CTNNA3: variants seen among roughly 807,000 people sequenced by gnomAD.
CTNNA3 encodes the protein catenin alpha 3, also known as catenin alpha-3.
In CTNNA3, 76 loss-of-function variants were observed where a neutral mutation model predicts 95.7. The ratio of observed to expected loss-of-function variants is 0.79; its 90% CI spans 0.66 to 0.96. The LOEUF is 0.96. CTNNA3 is among the 40% of genes least tolerant of loss of function. The pLI is 0.00. For missense variants in CTNNA3, 1,191 were observed against 1,089.8 expected (o/e 1.09, Z -1.31); for synonymous variants, 431 against 374.4 (o/e 1.15, Z -1.74).
At chr10:67,369,236 TG>T (rs1457711735) in intron 5 of CTNNA3, among the ~76,000 whole-genome samples, 2 of 152,156 alleles carry the variant, frequency 1.3e-5, no homozygotes, top group Non-Finnish European at 2.9e-5. Context: ...CATAAACGAA[TG>T]CATTCTGTGA....
rs187490327 is a variant in CTNNA3, at chr10:66,821,949, G to A, written c.1048-46425C>T. Among the ~76,000 whole-genome samples, 363 of 152,036 alleles carry A rather than the reference G, an allele frequency of 2.4e-3. 2 individuals are homozygous for A. Among genetic ancestry groups the A allele is most frequent in the African/African-American group, 8.3e-3 (343 of 41,498 alleles). On this transcript the variant is annotated intron_variant, in intron 7 of 17. Transcript: ENST00000433211. ...ATAAATGAGCAGAGTATTTGTTTCT[G>A]TAATTTAAATTTTGTCCTGAATATT...
At chr10:66,137,677 G>C (rs1564688680) in intron 13 of CTNNA3, among the ~76,000 whole-genome samples, 1 of 152,112 alleles carries the variant, frequency 6.6e-6, no homozygotes, top group East Asian at 1.9e-4. Context: ...ACTGGGTTTG[G>C]TGCCTCATGC....
chr10:67,581,489 A>G (rs781377248), intron 3 of CTNNA3, among the ~76,000 whole-genome samples: 11 of 152,208 alleles, frequency 7.2e-5, no homozygotes, highest in Non-Finnish European at 1.5e-4. Flanking sequence ...CTTTGCATTG[A>G]TGTTCATCAG....
intron 13 of CTNNA3, among the ~76,000 whole-genome samples, chr10:66,139,030 T>G (rs1301979041): frequency 6.6e-6 from 1 of 152,206 alleles, no homozygotes; most frequent in Non-Finnish European, 1.5e-5. Context: ...CCAGGCTTTC[T>G]GGTCATGTTG....
intron 6 of CTNNA3, among the ~76,000 whole-genome samples, chr10:67,194,694 C>T (rs1485941902): frequency 6.6e-6 from 1 of 151,774 alleles, no homozygotes; most frequent in Non-Finnish European, 1.5e-5. Context: ...CAAGAGTGAA[C>T]TCTAATATAA....
chr10:67,103,511 C>T (rs770516150), intron 7 of CTNNA3, among the ~76,000 whole-genome samples: 6 of 151,720 alleles, frequency 4.0e-5, no homozygotes, highest in Non-Finnish European at 8.9e-5. Context: ...ATGTAGCAGG[C>T]ACTATGCCCT....
intron 9 of CTNNA3, among the ~76,000 whole-genome samples, chr10:66,682,715 G>T (rs539006112): frequency 6.6e-6 from 1 of 151,242 alleles, no homozygotes; most frequent in Non-Finnish European, 1.5e-5. Context: ...ACATGTACAG[G>T]TTTGTTATAT....
chr10:67,107,717 C>T (rs879810232), intron 7 of CTNNA3, among the ~76,000 whole-genome samples: 2,619 of 152,236 alleles, frequency 0.017, 80 homozygotes, highest in East Asian at 0.12. Flanking sequence ...TGATCAAAAT[C>T]ATTTAGGTGA....
At chr10:66,279,917 C>T (rs532160065) in intron 13 of CTNNA3, among the ~76,000 whole-genome samples, 1 of 151,974 alleles carries the variant, frequency 6.6e-6, no homozygotes, top group Non-Finnish European at 1.5e-5. Flanking sequence ...ACAAATTGTG[C>T]TCTCACGCCT....
chr10:67,073,530 C>A, intron 7 of CTNNA3, among the ~76,000 whole-genome samples: 1 of 150,858 alleles, frequency 6.6e-6, no homozygotes, highest in Admixed American at 6.6e-5. Flanking sequence ...AAACAAGTAT[C>A]AACAAAAATC....
chr10:66,124,731 A>G (rs1364357436), intron 13 of CTNNA3, among the ~76,000 whole-genome samples: 1 of 152,200 alleles, frequency 6.6e-6, no homozygotes, highest in African/African-American at 2.4e-5. Flanking sequence ...GGATGGAGGC[A>G]GGCAAAGAGA....
At chr10:67,135,561 G>A (rs1860258683) in intron 7 of CTNNA3, among the ~76,000 whole-genome samples, 1 of 152,120 alleles carries the variant, frequency 6.6e-6, no homozygotes, top group African/African-American at 2.4e-5. Context: ...TGTAGTCCCA[G>A]CTACTCAGGA....
intron 9 of CTNNA3, among the ~76,000 whole-genome samples, chr10:66,732,953 G>A (rs538689651): frequency 3.9e-4 from 59 of 151,918 alleles, no homozygotes; most frequent in Admixed American, 1.1e-3. Context: ...CAGCCACCGC[G>A]CCCAGCTGAT....
At chr10:67,636,397 T>C (rs1331550680) in intron 2 of CTNNA3, among the ~76,000 whole-genome samples, 1 of 152,122 alleles carries the variant, frequency 6.6e-6, no homozygotes, top group Admixed American at 6.6e-5. Context: ...GCTGGAGGCT[T>C]CACACTACCC....
intron 16 of CTNNA3, among the ~76,000 whole-genome samples, chr10:65,968,846 G>A (rs1006210750): frequency 2.6e-5 from 4 of 152,132 alleles, no homozygotes; most frequent in Non-Finnish European, 5.9e-5. Context: ...ACACCTCTTG[G>A]TGTTTGGTAC....
chr10:67,204,912 C>A (rs958651121), intron 6 of CTNNA3, among the ~76,000 whole-genome samples: 5 of 152,068 alleles, frequency 3.3e-5, no homozygotes, highest in Non-Finnish European at 5.9e-5. Context: ...AATGTAAAAA[C>A]CTGAAAAGAT....
intron 2 of CTNNA3, among the ~76,000 whole-genome samples, chr10:67,620,923 G>GTGTA (rs1402402526): frequency 0.012 from 1,423 of 123,722 alleles, 26 homozygotes; most frequent in Middle Eastern, 0.029. Flanking sequence ...GTGTGTGTGT[G>GTGTA]TATATATATA....
At chr10:65,923,670 G>A (rs865823209) in intron 17 of CTNNA3, among the ~76,000 whole-genome samples, 11 of 152,278 alleles carry the variant, frequency 7.2e-5, no homozygotes, top group Admixed American at 3.3e-4. Context: ...TGGATATGAA[G>A]AATCATTCCA....
At chr10:66,222,803 AAGGT>A (rs1216550766) in intron 13 of CTNNA3, among the ~76,000 whole-genome samples, 1 of 151,942 alleles carries the variant, frequency 6.6e-6, no homozygotes, top group Admixed American at 6.6e-5. Context: ...AAAGAAAAGA[AAGGT>A]AGGCACTAAA....
Sources: allele counts gnomAD v4.1 joint callset (sites outside exome capture counted in the v4.1 genomes callset), GRCh38; gene constraint gnomAD v4.1.1; transcripts MANE v1.5; gene names NCBI Gene and HGNC (gene_info 2026-07-23, HGNC 2026-07-21).